The following AATF variants were observed in gnomAD, a reference collection of about 807,000 sequenced individuals.
AATF encodes the protein protein AATF.
A neutral mutation model predicts 63.7 loss-of-function variants in AATF; 48 were observed. The observed-to-expected ratio is 0.75, with a 90% CI of 0.60 to 0.96. AATF has a LOEUF of 0.96. AATF is among the 40% of genes least tolerant of loss of function. The pLI is 0.00. For missense variants in AATF, 639 were observed against 685.7 expected (o/e 0.93, Z 0.76); for synonymous variants, 258 against 247.7 (o/e 1.04, Z -0.39).
At chr17:37,006,987 A>C (rs1025009991) in intron 8 of AATF, among the ~76,000 whole-genome samples, 3 of 152,224 alleles carry the variant, frequency 2.0e-5, no homozygotes, top group East Asian at 1.9e-4. Flanking sequence ...CTAGCTATAC[A>C]TTCTCTTATT....
At chr17:36,988,744 T>C (rs1305992345) in intron 6 of AATF, 24 bp downstream of exon 6, 1 of 1,610,440 alleles carries the variant, frequency 6.2e-7, no homozygotes, top group South Asian at 1.1e-5. Context: ...TGCGCGCATG[T>C]ATGTGTAAGA....
Position 36,970,138 on chromosome 17 carries a change from G to A in AATF, c.832+16231G>A, listed in dbSNP as rs570476510. ...ACTTTCATTTCTCTTGGGTAGCTAA[G>A]AATAGAATGGCTGAGTCGCATGGTA... On this transcript the variant is annotated intron_variant, in intron 4 of 11. Transcript: ENST00000619387. 1.4e-4 allele frequency among the ~76,000 whole-genome samples: 21 copies of A among 152,280 alleles called. 1 individual carries two copies. The highest frequency in any genetic ancestry group is 4.8e-4 in the African/African-American group (20 of 41,548).
intron 11 of AATF, among the ~76,000 whole-genome samples, chr17:37,042,587 T>C (rs2071650231): frequency 6.6e-6 from 1 of 150,802 alleles, no homozygotes; most frequent in Non-Finnish European, 1.5e-5. Flanking sequence ...GCTTTTTTTT[T>C]TTTTTTTTCC....
At chr17:37,021,694 A>C (rs1466287889) in intron 10 of AATF, among the ~76,000 whole-genome samples, 1 of 127,692 alleles carries the variant, frequency 7.8e-6, no homozygotes, top group Non-Finnish European at 1.6e-5. Flanking sequence ...AGTCCCAGCT[A>C]CTCGGGAGGC....
In AATF at chr17:37,020,375, G is replaced by A. The variant is rs376573177; in HGVS notation, c.1467-559G>A. Among the ~76,000 whole-genome samples, 41 of 151,812 alleles carry A rather than the reference G, an allele frequency of 2.7e-4. No individual in the cohort carries two copies. In the East Asian group the frequency reaches 5.4e-3, roughly 20 times the overall value. On this transcript the variant is annotated intron_variant, in intron 9 of 11. Coordinates refer to ENST00000619387, the MANE Select transcript of AATF (RefSeq NM_012138.4). ...TATCGCTTCTCTTGTATAGCAACAC[G>A]TACTGAAATATTTATAGATGAAATG... is the stretch of plus-strand genomic sequence containing the variant.
chr17:36,982,407 A>T (rs1165387022), intron 4 of AATF, among the ~76,000 whole-genome samples: 1 of 151,898 alleles, frequency 6.6e-6, no homozygotes, highest in East Asian at 1.9e-4. Flanking sequence ...AGGCTGGAGT[A>T]CAGTGGTACA....
At chr17:37,014,962 G>A (rs879460382) in intron 8 of AATF, among the ~76,000 whole-genome samples, 5 of 152,132 alleles carry the variant, frequency 3.3e-5, no homozygotes, top group African/African-American at 7.2e-5. Flanking sequence ...TCTTATCAAA[G>A]TATACCCTCT....
chr17:36,999,164 A>G (rs1289615498), intron 8 of AATF: 1 of 152,230 alleles, frequency 6.6e-6, no homozygotes, highest in Non-Finnish European at 1.5e-5. Context: ...ATTTCAGGGT[A>G]GAAGAATCTT....
At chr17:37,002,540 T>C (rs1163301586) in intron 8 of AATF, among the ~76,000 whole-genome samples, 2 of 149,130 alleles carry the variant, frequency 1.3e-5, no homozygotes, top group Admixed American at 1.3e-4. Flanking sequence ...GCCGTGGTGG[T>C]GGGCGCCTGT....
At chr17:37,051,391 A>C (rs1053308944) in intron 11 of AATF, 1 of 152,224 alleles carries the variant, frequency 6.6e-6, no homozygotes, top group African/African-American at 2.4e-5. Context: ...CCCCACACAG[A>C]TTATTTGCAG....
chr17:37,033,302 G>A (rs1341009107), intron 11 of AATF, among the ~76,000 whole-genome samples: 2 of 152,148 alleles, frequency 1.3e-5, no homozygotes, highest in Non-Finnish European at 1.5e-5. Flanking sequence ...TAGATTCCCT[G>A]TCAGGATGCT....
At chr17:36,958,692 A>C (rs368380722) in intron 4 of AATF, among the ~76,000 whole-genome samples, 3 of 152,204 alleles carry the variant, frequency 2.0e-5, no homozygotes. Context: ...ATCTTATTTC[A>C]TCTGTAGTTG....
chr17:36,965,948 G>GC (rs2070988357), intron 4 of AATF, among the ~76,000 whole-genome samples: 1 of 151,836 alleles, frequency 6.6e-6, no homozygotes, highest in Admixed American at 6.6e-5. Flanking sequence ...TTCTGAAATT[G>GC]CCTGAAGAGA....
rs370812403 is a variant in AATF, at chr17:36,963,321, ACATG to A, written c.832+9417_832+9420del. ...TATCAATCTAGTGCTTAAAGTTACA[ACATG>A]CAGTCTTTGTACAGGACGGTCCCTA... On this transcript the variant is annotated intron_variant, in intron 4 of 11. Coordinates refer to ENST00000619387, the MANE Select transcript of AATF (RefSeq NM_012138.4). Among the ~76,000 whole-genome samples the A allele has an allele frequency of 2.0e-3, 306 of 152,266 alleles. 1 individual carries two copies. The highest frequency in any genetic ancestry group is 7.2e-3 in the African/African-American group (297 of 41,512).
intron 8 of AATF, among the ~76,000 whole-genome samples, chr17:36,997,644 G>A (rs976812583): frequency 6.6e-6 from 1 of 152,208 alleles, no homozygotes; most frequent in Non-Finnish European, 1.5e-5. Context: ...AACTAGTACA[G>A]CCACTGTGGA....
intron 8 of AATF, among the ~76,000 whole-genome samples, chr17:37,005,798 G>A (rs891860604): frequency 2.0e-4 from 31 of 152,016 alleles, no homozygotes; most frequent in Admixed American, 1.9e-3. Context: ...AATCTAAACA[G>A]CACCTTCTGT....
rs1477915143 is a variant in AATF, at chr17:37,009,845, A to C, written c.1399-9160A>C. ...TCTCAAAAAAAAAAAAAAAAAAAAA[A>C]AAAAACCATGCAGATTTGTTGAATA... is the stretch of plus-strand genomic sequence containing the variant. On this transcript the variant is annotated intron_variant, in intron 8 of 11. Coordinates refer to ENST00000619387, the MANE Select transcript of AATF (RefSeq NM_012138.4). 1.3e-5 allele frequency among the ~76,000 whole-genome samples: 2 copies of C among 150,742 alleles called. 1 individual carries two copies. The highest frequency in any genetic ancestry group is 3.0e-5 in the Non-Finnish European group (2 of 67,698).
rs79958875 is a variant in AATF at position 36,958,241 on chromosome 17, CA to C, written c.832+4336del. 2.2e-4 allele frequency among the ~76,000 whole-genome samples: 34 copies of C among 152,158 alleles called. No individual in the cohort carries two copies. In the East Asian group the frequency reaches 6.4e-3, roughly 28 times the overall value. On this transcript the variant is annotated intron_variant, in intron 4 of 11. Transcript: ENST00000619387. ...GCAGTGGTGCGATCTCAACTCACTGCAACTTCTGCCTCCCAGGTTCAAGCGA... is the reference window on the plus strand; with the variant it reads ...GCAGTGGTGCGATCTCAACTCACTGCACTTCTGCCTCCCAGGTTCAAGCGA...
At chr17:37,025,971 A>G (rs1370153101) in intron 10 of AATF, among the ~76,000 whole-genome samples, 1 of 152,216 alleles carries the variant, frequency 6.6e-6, no homozygotes, top group African/African-American at 2.4e-5. Flanking sequence ...AGCAGATGCC[A>G]CCTTAACCAA....
Sources: gnomAD v4.1 joint callset for allele counts (sites outside exome capture counted in the v4.1 genomes callset) on GRCh38, gnomAD v4.1.1 for gene constraint, MANE v1.5 for transcripts, NCBI Gene and HGNC (gene_info 2026-07-23, HGNC 2026-07-21) for gene names.